The following CDH4 variants were observed in gnomAD, a reference collection of about 807,000 sequenced individuals.
CDH4 encodes the protein cadherin-4.
CDH4 carries 33 observed loss-of-function variants against 86.0 expected under a neutral mutation model. The ratio of observed to expected loss-of-function variants is 0.38; its 90% confidence interval spans 0.29 to 0.51. CDH4 has a LOEUF of 0.51. Among genes scored for constraint, CDH4 ranks in the 20% least tolerant of loss-of-function variants. CDH4 has a pLI of 0.86. For missense variants in CDH4, 1,114 were observed against 1,307.4 expected, an observed-to-expected ratio of 0.85 and a Z score of 2.28; for synonymous variants, 555 against 549.4, an observed-to-expected ratio of 1.01 and a Z score of -0.14.
chr20:61,906,207 A>G (rs1568879722), intron 8 of CDH4, among the ~76,000 whole-genome samples: 2 of 152,262 alleles, frequency 1.3e-5, no homozygotes, highest in Admixed American at 6.5e-5. Context: ...GTGAAGGACC[A>G]GATAGTATTT....
intron 2 of CDH4, among the ~76,000 whole-genome samples, chr20:61,555,608 A>G (rs879563633): frequency 5.9e-5 from 9 of 152,238 alleles, no homozygotes; most frequent in Non-Finnish European, 1.2e-4. Flanking sequence ...CACAGAGACT[A>G]AAACGGATTT....
intron 8 of CDH4, among the ~76,000 whole-genome samples, chr20:61,903,879 T>A (rs1486327076): frequency 3.9e-5 from 6 of 152,198 alleles, no homozygotes; most frequent in Non-Finnish European, 2.9e-5. Context: ...TTCCCTGGGG[T>A]TGTCACCAGC....
chr20:61,645,694 G>A (rs1163897378), intron 2 of CDH4, among the ~76,000 whole-genome samples: 1 of 151,838 alleles, frequency 6.6e-6, no homozygotes, highest in East Asian at 1.9e-4. Flanking sequence ...GAACCATGCG[G>A]AGAGCTGCAC....
In CDH4 at chr20:61,753,919, AG is replaced by A. The variant is rs1327754722; in HGVS notation, c.396+10135del. Among the ~76,000 whole-genome samples, 6 of 152,254 alleles carry A rather than the reference AG, an allele frequency of 3.9e-5. No individual in the cohort carries two copies. In the East Asian group the frequency reaches 9.7e-4, roughly 25 times the overall value. Reference sequence around the variant, plus strand: ...TCAGAACATGACTTAACTTGGAAATAGGGGGTTTGCCGATGTAATTAGTGAA... The same window carrying A: ...TCAGAACATGACTTAACTTGGAAATAGGGGTTTGCCGATGTAATTAGTGAA... On this transcript the variant is annotated intron_variant, in intron 3 of 15. Coordinates refer to ENST00000614565, the MANE Select transcript of CDH4 (RefSeq NM_001794.5).
intron 2 of CDH4, among the ~76,000 whole-genome samples, chr20:61,503,480 T>G (rs2085719166): frequency 6.6e-6 from 1 of 152,038 alleles, no homozygotes; most frequent in African/African-American, 2.4e-5. Flanking sequence ...CCGGCATGAG[T>G]GTGGTATTTG....
chr20:61,835,427 G>A (rs2146087486), intron 4 of CDH4, among the ~76,000 whole-genome samples: 1 of 152,316 alleles, frequency 6.6e-6, no homozygotes, highest in South Asian at 2.1e-4. Context: ...ATTCCACTGG[G>A]TGTGGTAGGC....
At chr20:61,477,661 C>G (rs998809261) in intron 2 of CDH4, among the ~76,000 whole-genome samples, 1 of 152,220 alleles carries the variant, frequency 6.6e-6, no homozygotes, top group Non-Finnish European at 1.5e-5. Flanking sequence ...TTATCAAAGC[C>G]GTGGTCCTCC....
intron 2 of CDH4, among the ~76,000 whole-genome samples, chr20:61,699,372 G>C (rs1320767039): frequency 6.6e-6 from 1 of 152,176 alleles, no homozygotes; most frequent in African/African-American, 2.4e-5. Context: ...GCGGGCACTG[G>C]GGCTCCCTGG....
Position 61,762,618 on chromosome 20 carries a change from A to C in CDH4, c.397-10385A>C, listed in dbSNP as rs75733471. Reference sequence around the variant, plus strand: ...CTGGAAGACAAGGAGAGGCAGCAAAATCAGGGAAGTGAAGAAGCACAATCC... The same window carrying C: ...CTGGAAGACAAGGAGAGGCAGCAAACTCAGGGAAGTGAAGAAGCACAATCC... On this transcript the variant is annotated intron_variant, in intron 3 of 15. Coordinates refer to ENST00000614565, the MANE Select transcript of CDH4 (RefSeq NM_001794.5). Among the ~76,000 whole-genome samples the C allele has an allele frequency of 7.2e-3, 1,091 of 152,314 alleles. 18 individuals carry two copies. The highest frequency in any genetic ancestry group is 0.025 in the African/African-American group (1,048 of 41,562).
chr20:61,528,606 A>G (rs2085930085), intron 2 of CDH4, among the ~76,000 whole-genome samples: 1 of 152,134 alleles, frequency 6.6e-6, no homozygotes, highest in Admixed American at 6.6e-5. Flanking sequence ...CCATCTCCAC[A>G]AAAAAGAAAA....
At chr20:61,396,914 A>C (rs2145473981) in intron 2 of CDH4, among the ~76,000 whole-genome samples, 1 of 152,284 alleles carries the variant, frequency 6.6e-6, no homozygotes, top group Non-Finnish European at 1.5e-5. Context: ...TCTTGATAAA[A>C]ATACTGTTTT....
chr20:61,366,390 C>T (rs896845094), intron 2 of CDH4, among the ~76,000 whole-genome samples: 53 of 152,162 alleles, frequency 3.5e-4, no homozygotes, highest in African/African-American at 1.1e-3. Flanking sequence ...CCAGCTCGGT[C>T]GGGGAGACCC....
intron 7 of CDH4, among the ~76,000 whole-genome samples, chr20:61,894,191 G>C (rs1353079519): frequency 1.3e-5 from 2 of 152,170 alleles, no homozygotes; most frequent in Admixed American, 1.3e-4. Context: ...TCAGAACAGA[G>C]GTGTGGAAAA....
At chr20:61,306,743 C>A (rs1288576201) in intron 2 of CDH4, among the ~76,000 whole-genome samples, 1 of 152,206 alleles carries the variant, frequency 6.6e-6, no homozygotes, top group Non-Finnish European at 1.5e-5. Flanking sequence ...GGGCCAGCAC[C>A]GACCAGTCAA....
chr20:61,455,443 T>G (rs1451815896), intron 2 of CDH4, among the ~76,000 whole-genome samples: 2 of 152,192 alleles, frequency 1.3e-5, no homozygotes, highest in African/African-American at 4.8e-5. Flanking sequence ...ATTTCTGAGC[T>G]GCACAAAGGA....
chr20:61,430,918 G>T (rs2145515299), intron 2 of CDH4, among the ~76,000 whole-genome samples: 1 of 152,318 alleles, frequency 6.6e-6, no homozygotes, highest in African/African-American at 2.4e-5. Context: ...CAGGCTTCAG[G>T]GTTCCTGTGG....
intron 2 of CDH4, among the ~76,000 whole-genome samples, chr20:61,658,621 G>A (rs571266279): frequency 2.6e-4 from 39 of 152,278 alleles, no homozygotes; most frequent in African/African-American, 8.7e-4. Flanking sequence ...GCAGGGGCTC[G>A]CCACCCCATA....
chr20:61,284,129 A>G (rs1487547528), intron 2 of CDH4, among the ~76,000 whole-genome samples: 1 of 142,902 alleles, frequency 7.0e-6, no homozygotes, highest in Non-Finnish European at 1.5e-5. Context: ...CACGGTGAAA[A>G]CCCATCTCTA....
intron 2 of CDH4, among the ~76,000 whole-genome samples, chr20:61,416,023 T>TTC (rs2085145227): frequency 6.6e-6 from 1 of 150,810 alleles, no homozygotes; most frequent in African/African-American, 2.4e-5. Context: ...TTTTTTTTTT[T>TTC]TTCCCCGAAA....
Sources: allele counts gnomAD v4.1 joint callset (sites outside exome capture counted in the v4.1 genomes callset), GRCh38; gene constraint gnomAD v4.1.1; transcripts MANE v1.5; gene names NCBI Gene and HGNC (gene_info 2026-07-23, HGNC 2026-07-21).